Variants in TNFRSF11A observed in about 807,000 individuals in gnomAD.
The protein encoded by TNFRSF11A is tumor necrosis factor receptor superfamily member 11A.
TNFRSF11A carries 32 observed loss-of-function variants against 55.7 expected under a neutral mutation model. That is an observed-to-expected ratio of 0.57 (90% CI 0.43 to 0.77). The LOEUF (loss-of-function observed/expected upper bound fraction) is 0.77. Ranked by LOEUF, TNFRSF11A falls within the 30% of genes least tolerant of loss-of-function variation. TNFRSF11A has a pLI of 0.00. For synonymous variants in TNFRSF11A, 311 were observed against 331.0 expected (o/e 0.94, Z 0.65); for missense variants, 753 against 809.8 (o/e 0.93, Z 0.85).
chr18:62,389,848 GAAA>G lies in TNFRSF11A; in HGVS notation c.*4816_*4818del, dbSNP rs1248714696. 3.9e-5 allele frequency: 6 copies of G among 152,268 alleles called. No individual in the cohort carries two copies. Among genetic ancestry groups the G allele is most frequent in the Non-Finnish European group, 7.3e-5 (5 of 68,072 alleles). 9.4% of individuals were successfully genotyped at this position (152,268 alleles called of 1,614,324 possible). On this transcript the variant is annotated 3_prime_UTR_variant, in exon 10 of 10. Coordinates refer to ENST00000586569, the MANE Select transcript of TNFRSF11A (RefSeq NM_003839.4). ...ACACTACCCTCTTCCCTGTGTGATA[GAAA>G]ATGCAGACGTTTTGCAGGCAGACCT... is the stretch of plus-strand genomic sequence containing the variant.
At chr18:62,329,182 A>G (rs969471195) in intron 1 of TNFRSF11A, among the ~76,000 whole-genome samples, 2 of 152,120 alleles carry the variant, frequency 1.3e-5, no homozygotes, top group African/African-American at 4.8e-5. Context: ...AATGTTGTCT[A>G]GGCCATTTTT....
intron 9 of TNFRSF11A, among the ~76,000 whole-genome samples, chr18:62,377,032 G>A (rs564408408): frequency 6.6e-6 from 1 of 152,246 alleles, no homozygotes; most frequent in East Asian, 1.9e-4. Context: ...TCCTGCCTCA[G>A]CCTCCCGAGT....
chr18:62,342,188 C>A (rs2046321140), intron 1 of TNFRSF11A, among the ~76,000 whole-genome samples: 1 of 151,746 alleles, frequency 6.6e-6, no homozygotes, highest in Admixed American at 6.6e-5. Context: ...ATCTCTTGAG[C>A]TCAGGGGTTC....
At chr18:62,362,219 G>A (rs1909742062) in intron 7 of TNFRSF11A, among the ~76,000 whole-genome samples, 1 of 152,064 alleles carries the variant, frequency 6.6e-6, no homozygotes, top group South Asian at 2.1e-4. Context: ...CGGTGGGTGT[G>A]GTGGCTCACA....
At chr18:62,381,557 C>T (rs1411006694) in intron 9 of TNFRSF11A, among the ~76,000 whole-genome samples, 1 of 152,162 alleles carries the variant, frequency 6.6e-6, no homozygotes, top group African/African-American at 2.4e-5. Context: ...TTACGTGATA[C>T]TGAAGAGCAA....
chr18:62,352,291 T>C (rs1158719079), intron 3 of TNFRSF11A, among the ~76,000 whole-genome samples: 1 of 152,258 alleles, frequency 6.6e-6, no homozygotes, highest in Non-Finnish European at 1.5e-5. Flanking sequence ...CAGTCTGGAC[T>C]CTAGAGAAGA....
chr18:62,372,672 A>T (rs1261771134), intron 9 of TNFRSF11A, among the ~76,000 whole-genome samples: 3 of 152,100 alleles, frequency 2.0e-5, no homozygotes, highest in Non-Finnish European at 4.4e-5. Context: ...TCCCCTGCCT[A>T]GTTAGAAGTG....
chr18:62,381,536 T>C (rs1911285707), intron 9 of TNFRSF11A, among the ~76,000 whole-genome samples: 1 of 152,204 alleles, frequency 6.6e-6, no homozygotes, highest in African/African-American at 2.4e-5. Context: ...GGAGATATCC[T>C]CTGTGCAGTT....
chr18:62,369,693 C>T (rs572052711), intron 9 of TNFRSF11A, among the ~76,000 whole-genome samples: 2 of 152,330 alleles, frequency 1.3e-5, no homozygotes, highest in South Asian at 2.1e-4. Context: ...GTGGCTTCAT[C>T]GTTTACCACT....
At chr18:62,346,351 C>T (rs889186826) in intron 1 of TNFRSF11A, among the ~76,000 whole-genome samples, 1 of 152,186 alleles carries the variant, frequency 6.6e-6, no homozygotes, top group Non-Finnish European at 1.5e-5. Flanking sequence ...TTCTTCTGTG[C>T]ATGTACATTA....
In TNFRSF11A at chr18:62,368,709, A is replaced by C. The variant is rs199871080; in HGVS notation, c.792A>C (p.Ser264=). The C allele has an allele frequency of 6.2e-7, 1 of 1,614,246 alleles. No homozygotes were observed. Among genetic ancestry groups the C allele is most frequent in the African/African-American group, 1.3e-5 (1 of 75,070 alleles). Residue 264 remains serine, a synonymous_variant, in exon 9 of 10, where the codon TCA becomes TCC. Transcript: ENST00000586569. Reference sequence around the variant, plus strand: ...TGAATGTAAATCGGCAGGAGTCCTCAGGTGACAGTTGTGTCAGTACACACA... The same window carrying C: ...TGAATGTAAATCGGCAGGAGTCCTCCGGTGACAGTTGTGTCAGTACACACA... ...CGRLSGDKES[S]GDSCVSTHTA... is the part of the protein sequence containing the mutation.
At chr18:62,334,242 C>G (rs1176723591) in intron 1 of TNFRSF11A, among the ~76,000 whole-genome samples, 1 of 152,178 alleles carries the variant, frequency 6.6e-6, no homozygotes, top group Non-Finnish European at 1.5e-5. Context: ...TCCAGGCACT[C>G]TTGGCACAGG....
intron 7 of TNFRSF11A, 69 bp from the exon 8 acceptor site, chr18:62,366,639 C>A (rs992334204): frequency 1.3e-6 from 2 of 1,495,456 alleles, no homozygotes; most frequent in Non-Finnish European, 1.9e-6. Context: ...TACATAATAA[C>A]CTTTATTTAA....
At chr18:62,338,551 A>G (rs1191184911) in intron 1 of TNFRSF11A, among the ~76,000 whole-genome samples, 1 of 152,242 alleles carries the variant, frequency 6.6e-6, no homozygotes, top group Non-Finnish European at 1.5e-5. Context: ...TATGCTAAGC[A>G]AAATTCGCCA....
intron 7 of TNFRSF11A, among the ~76,000 whole-genome samples, chr18:62,366,004 G>C (rs1019342369): frequency 1.3e-5 from 2 of 152,084 alleles, no homozygotes; most frequent in African/African-American, 2.4e-5. Context: ...TTTTAGTAGA[G>C]ATGTGGTTTC....
chr18:62,340,903 G>A (rs1300754396), intron 1 of TNFRSF11A, among the ~76,000 whole-genome samples: 2 of 152,166 alleles, frequency 1.3e-5, no homozygotes, highest in Non-Finnish European at 2.9e-5. Context: ...TTATCCTCAC[G>A]GTCTCTTATA....
chr18:62,388,667 A>G lies in TNFRSF11A; in HGVS notation c.*3633A>G, dbSNP rs143336249. The G allele has an allele frequency of 3.7e-4, 56 of 152,344 alleles. No individual in the cohort carries two copies. The East Asian group carries it at 7.7e-3, about 21-fold the overall frequency. The allele number at this position is 152,344 out of a possible 1,614,324, so 9.4% of individuals were successfully genotyped here. A position where few individuals can be genotyped will look rare whatever the true frequency, so the allele number is the denominator to read the frequency against. On this transcript the variant is annotated 3_prime_UTR_variant, in exon 10 of 10. Transcript: ENST00000586569. The stretch of plus-strand genomic sequence containing the variant: ...CACAGCACTATAGATTCCCACAATG[A>G]AAGGGACACCCACGTTCATATTTAA...
intron 3 of TNFRSF11A, among the ~76,000 whole-genome samples, chr18:62,354,182 G>A (rs1370024388): frequency 1.3e-5 from 2 of 152,236 alleles, no homozygotes; most frequent in Non-Finnish European, 2.9e-5. Flanking sequence ...TTATGAGAGA[G>A]AGAAGAACCC....
At chr18:62,378,284 T>G (rs567470720) in intron 9 of TNFRSF11A, among the ~76,000 whole-genome samples, 18 of 152,244 alleles carry the variant, frequency 1.2e-4, no homozygotes, top group Non-Finnish European at 2.5e-4. Context: ...TCTACTCTCA[T>G]GCTACATTCA....
Sources: allele counts gnomAD v4.1 joint callset (sites outside exome capture counted in the v4.1 genomes callset), GRCh38; gene constraint gnomAD v4.1.1; transcripts MANE v1.5; gene names NCBI Gene and HGNC (gene_info 2026-07-23, HGNC 2026-07-21).